The following RNF19B variants were observed in gnomAD, a reference collection of about 807,000 sequenced individuals.
The protein encoded by RNF19B is ring finger protein 19B.
Under a neutral mutation model 65.5 loss-of-function variants are expected in RNF19B, and 23 were observed. The ratio of observed to expected loss-of-function variants is 0.35; its 90% CI spans 0.25 to 0.50. The LOEUF is 0.50. RNF19B is among the 20% of genes least tolerant of loss of function. The pLI, the probability that RNF19B is intolerant of heterozygous loss-of-function variation, is 0.98. For synonymous variants in RNF19B, 372 were observed against 379.6 expected (o/e 0.98, Z 0.23); for missense variants, 794 against 980.0 (o/e 0.81, Z 2.53).
intron 6 of RNF19B, among the ~76,000 whole-genome samples, chr1:32,943,700 G>C (rs1642294437): frequency 6.6e-6 from 1 of 152,088 alleles, no homozygotes; most frequent in Admixed American, 6.6e-5. Context: ...AAGCAAGTGA[G>C]ATAATTGTGT....
At chr1:32,938,140 C>CAAAAAAAGAA (rs1642147940) in intron 8 of RNF19B, among the ~76,000 whole-genome samples, 1 of 46,040 alleles carries the variant, frequency 2.2e-5, no homozygotes, top group Non-Finnish European at 4.0e-5. Context: ...CCAAGAAAGA[C>CAAAAAAAGAA]AAAAAAAAAA....
downstream of RNF19B, among the ~76,000 whole-genome samples, chr1:32,933,058 TCA>T (rs967563597): frequency 6.6e-6 from 1 of 152,210 alleles, no homozygotes; most frequent in East Asian, 1.9e-4. Context: ...CTGTTTTTCT[TCA>T]CAGATTACTT....
At chr1:32,956,478 G>A (rs1477943589) in intron 1 of RNF19B, among the ~76,000 whole-genome samples, 1 of 152,140 alleles carries the variant, frequency 6.6e-6, no homozygotes, top group African/African-American at 2.4e-5. Flanking sequence ...TGAGGTGGGA[G>A]GATCACCTGA....
At chr1:32,945,372 C>A (rs1642343035) in intron 5 of RNF19B, 142 bp downstream of exon 5, 1 of 515,908 alleles carries the variant, frequency 1.9e-6, no homozygotes. Flanking sequence ...TAAAAATAAT[C>A]ATAATCATGG....
At position 32,964,349 on chromosome 1, in the gene RNF19B, C is replaced by T. The variant is rs765304166; in HGVS notation, c.337G>A (p.Gly113Ser). The T allele has an allele frequency of 4.9e-6, 7 of 1,432,924 alleles. No individual in the cohort carries two copies. The East Asian group carries it at 9.1e-5, about 19-fold the overall frequency. The allele number at this position is 1,432,924 out of a possible 1,614,324, so 88.8% of individuals were successfully genotyped here. Reference protein sequence around the residue: ...DEEAAEGGGPGAEEVECPLCL... With the variant: ...DEEAAEGGGPSAEEVECPLCL... ...AGCGGACACTCCACCTCCTCCGCGC[C>T]CGGGCCACCGCCCTCCGCCGCCTCC... The change falls in exon 1 of 9, where the codon GGC (glycine) becomes AGC (serine). Residue 113 changes from glycine to serine, a missense_variant. Gly to Ser is a moderately conservative substitution (Grantham distance 56). This residue lies in a region of RNF19B where 374 missense variants were observed against 423.8 expected (regional missense o/e 0.88). Transcript: ENST00000235150. This position sits in a 1 kb window ranked among gnomAD's most constrained non-coding sequence, Gnocchi z 6.5.
intron 1 of RNF19B, among the ~76,000 whole-genome samples, chr1:32,952,429 T>TAAAAAA (rs375150376): frequency 8.1e-5 from 6 of 74,010 alleles, no homozygotes; most frequent in Non-Finnish European, 9.7e-5. Context: ...CCTTTTCTCT[T>TAAAAAA]AAAAAAAAAA....
At chr1:32,953,935 T>C (rs548730216) in intron 1 of RNF19B, among the ~76,000 whole-genome samples, 1 of 137,132 alleles carries the variant, frequency 7.3e-6, no homozygotes, top group Non-Finnish European at 1.6e-5. Context: ...TGAGACGGAG[T>C]TTCACTCTTG....
chr1:32,952,699 G>A (rs931672126), intron 1 of RNF19B, among the ~76,000 whole-genome samples: 4 of 151,126 alleles, frequency 2.6e-5, no homozygotes, highest in South Asian at 2.1e-4. Context: ...CAGAGATTGC[G>A]CCACCATGGG....
intron 1 of RNF19B, among the ~76,000 whole-genome samples, chr1:32,956,808 C>A (rs558223946): frequency 2.8e-4 from 42 of 152,174 alleles, no homozygotes; most frequent in African/African-American, 9.9e-4. Context: ...AAATGTGTTC[C>A]TATATTATGT....
At position 32,942,382 on chromosome 1, in the gene RNF19B, T is replaced by C. The variant is rs1279434359; in HGVS notation, c.1480A>G (p.Thr494Ala). 4 of 1,614,220 alleles carry C rather than the reference T, an allele frequency of 2.5e-6. No homozygotes were observed. The highest frequency in any genetic ancestry group is 2.2e-5 in the East Asian group (1 of 44,886). ...SIEGLTSVLS[T>A]SGSPTDGLSV... is the part of the protein sequence containing the mutation. ...AGTCCATCTGTAGGGCTTCCACTAG[T>C]GCTCAATACACTAGTCAGGCCTTCA... The change falls in exon 7 of 9, where the codon ACT becomes GCT. Residue 494 changes from threonine (T) to alanine (A), a missense_variant. Physicochemically the swap from Thr to Ala is moderately conservative, Grantham distance 58 (BLOSUM62 0). This residue lies in a region of RNF19B where 368 missense variants were observed against 447.3 expected (regional missense o/e 0.82). Transcript: ENST00000235150.
chr1:32,934,238 T>C (rs958035777), downstream of RNF19B, among the ~76,000 whole-genome samples: 2 of 152,230 alleles, frequency 1.3e-5, no homozygotes, highest in Non-Finnish European at 2.9e-5. Flanking sequence ...CTTGCCATCC[T>C]CATTGTAGTA....
At chr1:32,949,865 T>C (rs7545739) in intron 1 of RNF19B, 91 bp from the exon 2 acceptor site, 91,031 of 902,210 alleles carry the variant, frequency 0.1, 6,919 homozygotes, top group African/African-American at 0.32. Context: ...TGTTTGGCAC[T>C]ACCCCACTAT....
intron 1 of RNF19B, among the ~76,000 whole-genome samples, chr1:32,951,958 CTTTTT>C (rs34442939): frequency 1.6e-5 from 2 of 123,170 alleles, no homozygotes; most frequent in Non-Finnish European, 3.4e-5. Flanking sequence ...CCACGCCCGG[CTTTTT>C]TTTTTTTTTT....
intron 1 of RNF19B, among the ~76,000 whole-genome samples, chr1:32,950,843 CTTTT>C (rs35369089): frequency 2.4e-4 from 32 of 135,482 alleles, no homozygotes; most frequent in African/African-American, 7.4e-4. Flanking sequence ...CCTTTTCATT[CTTTT>C]TTTTTTTTTT....
chr1:32,938,242 T>G, intron 8 of RNF19B, 155 bp downstream of exon 8: 4 of 579,350 alleles, frequency 6.9e-6, no homozygotes, highest in Non-Finnish European at 1.2e-5. Flanking sequence ...TGCCAAACAC[T>G]CAAGTACCAA....
intron 5 of RNF19B, among the ~76,000 whole-genome samples, 183 bp downstream of exon 5, chr1:32,945,331 C>T (rs934098226): frequency 6.6e-6 from 1 of 152,180 alleles, no homozygotes; most frequent in Non-Finnish European, 1.5e-5. Flanking sequence ...AAAGATTGCA[C>T]ACTCTGATAA....
intron 1 of RNF19B, among the ~76,000 whole-genome samples, chr1:32,963,343 C>T (rs1241297794): frequency 2.0e-5 from 3 of 152,132 alleles, no homozygotes; most frequent in Non-Finnish European, 2.9e-5. Context: ...GTGGACACAC[C>T]CCTCCGACGC....
downstream of RNF19B, among the ~76,000 whole-genome samples, chr1:32,935,038 G>A (rs946306476): frequency 7.9e-5 from 12 of 151,772 alleles, no homozygotes; most frequent in Non-Finnish European, 1.3e-4. Flanking sequence ...CACCATGTTG[G>A]CCAGGATGGT....
downstream of RNF19B, among the ~76,000 whole-genome samples, chr1:32,934,711 G>A (rs1194945379): frequency 6.6e-6 from 1 of 152,108 alleles, no homozygotes; most frequent in Non-Finnish European, 1.5e-5. Context: ...GAAAGTTGGG[G>A]AAGTTAGGGG....
Sources: gnomAD v4.1 joint callset for allele counts (sites outside exome capture counted in the v4.1 genomes callset) on GRCh38, gnomAD v4.1.1 for gene constraint, gnomAD v4.1.1 regional missense constraint, Gnocchi (gnomAD v3.1) non-coding constraint, MANE v1.5 for transcripts, NCBI Gene and HGNC (gene_info 2026-07-23, HGNC 2026-07-21) for gene names.